Variants in TM7SF3 observed in about 807,000 individuals in gnomAD.
TM7SF3 encodes the protein transmembrane 7 superfamily member 3, also known as seven span transmembrane protein.
TM7SF3 carries 60 observed loss-of-function variants against 65.5 expected under a neutral mutation model. The observed-to-expected ratio is 0.92, with a 90% confidence interval of 0.74 to 1.14. TM7SF3 has a LOEUF of 1.14. Among genes scored for constraint, TM7SF3 ranks in the 50% most tolerant of loss-of-function variants. TM7SF3 has a pLI of 0.00. For synonymous variants in TM7SF3, 264 were observed against 259.6 expected (o/e 1.02, Z -0.16); for missense variants, 623 against 684.8 (o/e 0.91, Z 1.01).
At position 26,974,153 on chromosome 12, in the gene TM7SF3, GT is replaced by G. The variant is rs774434668; in HGVS notation, c.1524del (p.Arg509AspfsTer20). The G allele has an allele frequency of 9.9e-6, 16 of 1,614,012 alleles. No homozygotes were observed. The highest frequency in any genetic ancestry group is 3.3e-4 in the Middle Eastern group (2 of 6,084). On this transcript the variant is annotated frameshift_variant, in exon 12 of 12. Transcript: ENST00000343028. LOFTEE classifies it high-confidence loss of function. ...TATGGGTGGGGAGGGAAGAACGGTCGTCCTCTCTCTCTTCGAATCTGTAACG... is the reference window on the plus strand; with the variant it reads ...TATGGGTGGGGAGGGAAGAACGGTCGCCTCTCTCTCTTCGAATCTGTAACG... ...GITLQIRRERGRPFFPPHPYK... is the reference protein window; with the variant it reads ...GITLQIRRERXRPFFPPHPYK...
chr12:26,981,225 T>C (rs1038919967), intron 7 of TM7SF3, among the ~76,000 whole-genome samples: 1 of 152,254 alleles, frequency 6.6e-6, no homozygotes, highest in Non-Finnish European at 1.5e-5. Flanking sequence ...ATCCTGATCA[T>C]GGAGGCCATA....
At chr12:26,984,839 A>G (rs1329966382) in intron 6 of TM7SF3, among the ~76,000 whole-genome samples, 1 of 152,222 alleles carries the variant, frequency 6.6e-6, no homozygotes, top group Non-Finnish European at 1.5e-5. Flanking sequence ...GAATGAAAGG[A>G]GTGAATAGAC....
intron 11 of TM7SF3, among the ~76,000 whole-genome samples, chr12:26,975,085 C>G (rs1009021242): frequency 6.6e-6 from 1 of 151,976 alleles, no homozygotes; most frequent in Non-Finnish European, 1.5e-5. Context: ...AAAACTCTTT[C>G]AACTAGCAAA....
chr12:26,987,368 T>C (rs1275835027), intron 6 of TM7SF3, among the ~76,000 whole-genome samples: 1 of 152,166 alleles, frequency 6.6e-6, no homozygotes, highest in Non-Finnish European at 1.5e-5. Flanking sequence ...GGTCGCTCTC[T>C]CTCTCCAGTT....
rs755084045 is a variant in TM7SF3, at chr12:26,996,878, G to C, written c.398-16C>G. On this transcript the variant is annotated splice_polypyrimidine_tract_variant and intron_variant, in intron 3 of 11. Coordinates refer to ENST00000343028, the MANE Select transcript of TM7SF3 (RefSeq NM_016551.3). Reference sequence around the variant, plus strand: ...GGGACAGGATCTGGATAAGAAATAGGGAAGTTACTAAACAAACAATTCCTA... The same window carrying C: ...GGGACAGGATCTGGATAAGAAATAGCGAAGTTACTAAACAAACAATTCCTA... The C allele has an allele frequency of 6.3e-7, 1 of 1,594,898 alleles. No individual in the cohort carries two copies. Among genetic ancestry groups the C allele is most frequent in the South Asian group, 1.1e-5 (1 of 87,994 alleles).
chr12:26,990,545 A>C lies in TM7SF3; in HGVS notation c.773T>G (p.Val258Gly), dbSNP rs1940306110. Residue 258 changes from valine to glycine, a missense_variant, in exon 6 of 12, where the codon GTT becomes GGT. Val to Gly is a moderately radical substitution (Grantham distance 109). Coordinates refer to ENST00000343028, the MANE Select transcript of TM7SF3 (RefSeq NM_016551.3). ...PGQGVIYNVI[V>G]WDPFLNTSAA... is the part of the protein sequence containing the mutation. ...AGATGTATTTAGAAACGGGTCCCAA[A>C]CAATGACATTGTATATGACACCTTG... The C allele has an allele frequency of 4.3e-6, 7 of 1,614,088 alleles. No homozygotes were observed. The highest frequency in any genetic ancestry group is 5.9e-6 in the Non-Finnish European group (7 of 1,179,912).
chr12:27,005,107 A>G (rs1401555637), intron 1 of TM7SF3, among the ~76,000 whole-genome samples: 1 of 152,244 alleles, frequency 6.6e-6, no homozygotes, highest in Non-Finnish European at 1.5e-5. Flanking sequence ...TATGGATTTC[A>G]GTAAATTACA....
chr12:26,974,671 AG>A (rs1203568354), intron 11 of TM7SF3, among the ~76,000 whole-genome samples: 8 of 152,172 alleles, frequency 5.3e-5, no homozygotes, highest in Admixed American at 5.2e-4. Flanking sequence ...CTCACAGTGT[AG>A]GTATAGGAAT....
intron 6 of TM7SF3, among the ~76,000 whole-genome samples, chr12:26,985,808 T>TTTTTC: frequency 2.1e-5 from 1 of 47,538 alleles, no homozygotes. Flanking sequence ...TCTTTTTCGT[T>TTTTTC]TTTTTTTTTT....
Position 26,975,709 on chromosome 12 carries a change from G to A in TM7SF3, c.1288-51C>T, listed in dbSNP as rs1411092086. 2.3e-5 allele frequency: 37 copies of A among 1,581,106 alleles called. 1 individual carries two copies. The highest frequency in any genetic ancestry group is 3.1e-5 in the Non-Finnish European group (36 of 1,159,486). ...CATCATCCATGTTAGAACAAAAATA[G>A]TTTATAACTCTCCACTGGCTTCAAT... On this transcript the variant is annotated intron_variant, in intron 10 of 11. Transcript: ENST00000343028.
At chr12:26,998,275 A>AT (rs1940686297) in intron 3 of TM7SF3, among the ~76,000 whole-genome samples, 12 of 152,222 alleles carry the variant, frequency 7.9e-5, no homozygotes, top group Admixed American at 7.2e-4. Context: ...ATTTGCTATG[A>AT]TTTTTTTGCC....
chr12:26,986,814 A>G (rs1014284192), intron 6 of TM7SF3, among the ~76,000 whole-genome samples: 3 of 152,114 alleles, frequency 2.0e-5, no homozygotes, highest in African/African-American at 7.2e-5. Context: ...ACTGGTACCA[A>G]TGGCCTCCAT....
intron 6 of TM7SF3, among the ~76,000 whole-genome samples, chr12:26,986,118 G>C (rs993216773): frequency 6.6e-6 from 1 of 151,678 alleles, no homozygotes; most frequent in African/African-American, 2.4e-5. Flanking sequence ...GTGAGCCACC[G>C]CACCCGGCCT....
rs1320606536 is a variant in TM7SF3, at chr12:26,995,326, G to A, written c.601C>T (p.Leu201=). 1.2e-6 allele frequency: 2 copies of A among 1,614,158 alleles called. No individual in the cohort carries two copies. The highest frequency in any genetic ancestry group is 2.2e-5 in the East Asian group (1 of 44,882). ...TCCTCAGTGAGGTCATTCTCAGGCA[G>A]AAAATACTGATAGACATCATACTGC... The part of the protein sequence containing the change: ...RLQYDVYQYF[L]PENDLTEEML... The change falls in exon 5 of 12, where the codon CTG becomes TTG. Residue 201 remains leucine (L), a synonymous_variant. Transcript: ENST00000343028.
intron 1 of TM7SF3, chr12:27,013,034 A>T (rs933345620): frequency 8.8e-6 from 2 of 227,652 alleles, no homozygotes; most frequent in Non-Finnish European, 1.8e-5. Flanking sequence ...AATCATCAAA[A>T]ATGGTGTACT....
In TM7SF3 at chr12:26,980,651, G is replaced by A; in HGVS notation, c.956-5C>T. ...TAAAGCCTATGAAGAATAATTCTAA[G>A]TGGCAAACCACCAGGAAAGGAAAAA... On this transcript the variant is annotated splice_polypyrimidine_tract_variant and splice_region_variant and intron_variant, in intron 7 of 11. Coordinates refer to ENST00000343028, the MANE Select transcript of TM7SF3 (RefSeq NM_016551.3). The A allele has an allele frequency of 6.6e-7, 1 of 1,523,296 alleles. No homozygotes were observed. The highest frequency in any genetic ancestry group is 9.0e-7 in the Non-Finnish European group (1 of 1,115,124). The allele number at this position is 1,523,296 out of a possible 1,614,324, so 94.4% of individuals were successfully genotyped here. A position where few individuals can be genotyped will look rare whatever the true frequency, so the allele number is the denominator to read the frequency against.
In TM7SF3 at chr12:26,990,483, A is replaced by T. The variant is rs745451211; in HGVS notation, c.835T>A (p.Phe279Ile). ...GCACAACTACCCTCTCCTGCCTCAAAGCTGCAAGCGTATGTGTGAGCAGGA... is the reference window on the plus strand; with the variant it reads ...GCACAACTACCCTCTCCTGCCTCAATGCTGCAAGCGTATGTGTGAGCAGGA... ...YIPAHTYACS[F>I]EAGEGSCASL... The change falls in exon 6 of 12, where the codon TTT becomes ATT. Residue 279 changes from phenylalanine (F) to isoleucine (I), a missense_variant. Phe to Ile is a conservative substitution (Grantham distance 21). Coordinates refer to ENST00000343028, the MANE Select transcript of TM7SF3 (RefSeq NM_016551.3). 42 of 1,614,026 alleles carry T rather than the reference A, an allele frequency of 2.6e-5. No homozygotes were observed. The highest frequency in any genetic ancestry group is 3.3e-5 in the Non-Finnish European group (39 of 1,179,912).
intron 2 of TM7SF3, among the ~76,000 whole-genome samples, chr12:27,001,008 G>C (rs898926067): frequency 6.6e-6 from 1 of 152,014 alleles, no homozygotes; most frequent in African/African-American, 2.4e-5. Flanking sequence ...AAAGGTAGCA[G>C]AGTAGTTTCA....
rs1277571605 is a variant in TM7SF3, at chr12:26,990,647, A to G, written c.691-20T>C. ...AACCACCTGAAGCCAAAAATAACAC[A>G]TGATTAGTGTTTAGGGGATTTTTTT... On this transcript the variant is annotated intron_variant, in intron 5 of 11. Transcript: ENST00000343028. 1 of 1,597,418 alleles carries G rather than the reference A, an allele frequency of 6.3e-7. No homozygotes were observed. The highest frequency in any genetic ancestry group is 1.7e-5 in the Admixed American group (1 of 59,414).
Sources: allele counts gnomAD v4.1 joint callset (sites outside exome capture counted in the v4.1 genomes callset), GRCh38; gene constraint gnomAD v4.1.1; transcripts MANE v1.5; gene names NCBI Gene and HGNC (gene_info 2026-07-23, HGNC 2026-07-21).